Variants in AEBP2 observed in about 807,000 individuals in gnomAD.
AEBP2 encodes the protein zinc finger protein AEBP2.
In AEBP2, 10 loss-of-function variants were observed where a neutral mutation model predicts 50.8. The observed-to-expected ratio is 0.20, with a 90% CI of 0.12 to 0.33. The LOEUF is 0.33. Ranked by LOEUF, AEBP2 falls within the 10% of genes least tolerant of loss-of-function variation. The pLI, the probability that AEBP2 is intolerant of heterozygous loss-of-function variation, is 1.00. For missense variants in AEBP2, 570 were observed against 688.0 expected, an observed-to-expected ratio of 0.83 and a Z score of 1.92; for synonymous variants, 296 against 261.3, an observed-to-expected ratio of 1.13 and a Z score of -1.28.
intron 4 of AEBP2, among the ~76,000 whole-genome samples, chr12:19,494,390 C>T (rs910014516): frequency 1.1e-4 from 16 of 151,902 alleles, no homozygotes; most frequent in African/African-American, 3.6e-4. Context: ...GAGCCGTGAT[C>T]GCGCCACCAC....
intron 3 of AEBP2, among the ~76,000 whole-genome samples, chr12:19,480,650 A>C (rs1948713517): frequency 6.6e-6 from 1 of 152,204 alleles, no homozygotes; most frequent in Admixed American, 6.5e-5. Context: ...TCTGCTGAGA[A>C]GTCTGCTGTT....
chr12:19,471,004 A>G (rs935731756), intron 2 of AEBP2, among the ~76,000 whole-genome samples: 2 of 148,726 alleles, frequency 1.3e-5, no homozygotes, highest in Non-Finnish European at 3.0e-5. Context: ...AAAAACGGCA[A>G]TGACTTGTGC....
intron 1 of AEBP2, chr12:19,456,571 C>T: frequency 1.3e-6 from 2 of 1,537,644 alleles, no homozygotes; most frequent in Non-Finnish European, 1.8e-6. Context: ...GCATAGCCAG[C>T]ACTTATTTGG....
chr12:19,516,521 A>G (rs7971277), intron 7 of AEBP2, among the ~76,000 whole-genome samples: 65,064 of 151,972 alleles, frequency 0.43, 14,998 homozygotes, highest in Non-Finnish European at 0.54. Context: ...TTCTTATGCC[A>G]TATAGGAAGC....
chr12:19,431,503 A>G (rs981614815), intron 1 of AEBP2, among the ~76,000 whole-genome samples: 1 of 152,116 alleles, frequency 6.6e-6, no homozygotes, highest in East Asian at 1.9e-4. Context: ...CATTTTGCCT[A>G]TCTTTTTATC....
rs548028662 is a variant in AEBP2 at position 19,504,323 on chromosome 12, C to T, written c.1299+4102C>T. Among the ~76,000 whole-genome samples the T allele has an allele frequency of 4.0e-5, 6 of 151,806 alleles. No individual in the cohort carries two copies. The South Asian group carries it at 1.3e-3, about 32-fold the overall frequency. ...GATCTCGGCTCACTGCAAGCTCCGC[C>T]TCCCAGGTTCACACCATTCTCCTGC... On this transcript the variant is annotated intron_variant, in intron 5 of 7. Transcript: ENST00000266508.
At chr12:19,415,197 C>G (rs1468365846) in intron 1 of AEBP2, among the ~76,000 whole-genome samples, 3 of 149,654 alleles carry the variant, frequency 2.0e-5, no homozygotes, top group African/African-American at 7.4e-5. Context: ...ACCTGTAGTC[C>G]TAGCTACTTG....
intron 5 of AEBP2, among the ~76,000 whole-genome samples, chr12:19,507,713 A>T (rs1327026099): frequency 6.6e-6 from 1 of 152,180 alleles, no homozygotes; most frequent in African/African-American, 2.4e-5. Flanking sequence ...ATAATGAGAT[A>T]AGGTCTTCGC....
chr12:19,422,979 C>T (rs2095746575), intron 1 of AEBP2, among the ~76,000 whole-genome samples: 1 of 138,998 alleles, frequency 7.2e-6, no homozygotes. Context: ...GCAGGACAAT[C>T]ACTTGAACCC....
chr12:19,482,203 C>T (rs546542844), intron 3 of AEBP2, among the ~76,000 whole-genome samples: 395 of 152,192 alleles, frequency 2.6e-3, no homozygotes, highest in Non-Finnish European at 4.9e-3. Context: ...AGCAGCAGGG[C>T]TACTAGGCTC....
Position 19,522,115 on chromosome 12 carries a change from CAT to C in AEBP2, c.*4001_*4002del, listed in dbSNP as rs1949406721. 2 of 151,574 alleles carry C rather than the reference CAT, an allele frequency of 1.3e-5. No homozygotes were observed. The highest frequency in any genetic ancestry group is 4.2e-4 in the South Asian group (2 of 4,812). 9.4% of individuals were successfully genotyped at this position (151,574 alleles called of 1,614,324 possible). On this transcript the variant is annotated 3_prime_UTR_variant, in exon 8 of 8. Coordinates refer to ENST00000266508, the MANE Select transcript of AEBP2 (RefSeq NM_153207.5). ...GACATTTTGGGGATTTTGGTTAAAA[CAT>C]ATTTCTCTATTCTAAAAATTACAGA...
chr12:19,427,142 T>C (rs894763147), intron 1 of AEBP2, among the ~76,000 whole-genome samples: 10 of 151,968 alleles, frequency 6.6e-5, no homozygotes, highest in African/African-American at 2.4e-4. Flanking sequence ...TTTGGGAGGC[T>C]GAGGTGGGTG....
At chr12:19,512,532 CA>C (rs913242792) in intron 6 of AEBP2, 67 bp downstream of exon 6, 3 of 993,530 alleles carry the variant, frequency 3.0e-6, no homozygotes, top group Non-Finnish European at 4.4e-6. Context: ...ATCTTACACA[CA>C]AAAATTATTT....
chr12:19,481,318 G>A (rs964437636), intron 3 of AEBP2, among the ~76,000 whole-genome samples: 3 of 151,636 alleles, frequency 2.0e-5, no homozygotes, highest in African/African-American at 7.3e-5. Context: ...GGCCAGGCTC[G>A]TCTTGAACTG....
chr12:19,413,999 T>C (rs530970108), intron 1 of AEBP2, among the ~76,000 whole-genome samples: 15 of 152,086 alleles, frequency 9.9e-5, no homozygotes, highest in African/African-American at 3.1e-4. Flanking sequence ...GTCCAAGCGA[T>C]TCTCCTGCCT....
intron 5 of AEBP2, among the ~76,000 whole-genome samples, chr12:19,508,264 T>C (rs1949182543): frequency 6.6e-6 from 1 of 152,192 alleles, no homozygotes; most frequent in Non-Finnish European, 1.5e-5. Flanking sequence ...ATTCACCATG[T>C]TGTCCAGGCT....
chr12:19,413,236 G>A, intron 1 of AEBP2: 1 of 873,770 alleles, frequency 1.1e-6, no homozygotes, highest in Non-Finnish European at 2.0e-6. Flanking sequence ...TTTTGGATCA[G>A]TCGGCCGGGC....
At chr12:19,470,752 A>G (rs1294399895) in intron 2 of AEBP2, among the ~76,000 whole-genome samples, 5 of 152,144 alleles carry the variant, frequency 3.3e-5, no homozygotes, top group Admixed American at 2.0e-4. Flanking sequence ...AAATTTAGTG[A>G]TTGAGTGTTG....
At chr12:19,410,584 CCT>C (rs1191961821) in intron 1 of AEBP2, among the ~76,000 whole-genome samples, 7 of 152,158 alleles carry the variant, frequency 4.6e-5, no homozygotes, top group Non-Finnish European at 1.0e-4. Flanking sequence ...CTGCTTCTCC[CCT>C]GTTTCGTGAC....
Sources: gnomAD v4.1 joint callset for allele counts (sites outside exome capture counted in the v4.1 genomes callset) on GRCh38, gnomAD v4.1.1 for gene constraint, MANE v1.5 for transcripts, NCBI Gene and HGNC (gene_info 2026-07-23, HGNC 2026-07-21) for gene names.